GBF1: variants seen among roughly 807,000 people sequenced by gnomAD.
The protein encoded by GBF1 is Golgi-specific brefeldin A-resistance guanine nucleotide exchange factor 1.
Under a neutral mutation model 210.5 loss-of-function variants are expected in GBF1, and 114 were observed. The ratio of observed to expected loss-of-function variants is 0.54; its 90% confidence interval spans 0.47 to 0.63. The LOEUF is 0.63. Ranked by LOEUF, GBF1 falls within the 30% of genes least tolerant of loss-of-function variation. The pLI is 0.00. For missense variants in GBF1, 1,851 were observed against 2,357.7 expected (o/e 0.79, Z 4.45); for synonymous variants, 850 against 889.2 (o/e 0.96, Z 0.78).
chr10:102,289,743 T>A (rs1033957717), intron 3 of GBF1, among the ~76,000 whole-genome samples: 2 of 152,188 alleles, frequency 1.3e-5, no homozygotes, highest in Non-Finnish European at 2.9e-5. Context: ...AAAATTGTGT[T>A]TAACTGATTC....
intron 3 of GBF1, among the ~76,000 whole-genome samples, chr10:102,285,807 CCTT>C (rs1307016353): frequency 1.3e-5 from 2 of 151,752 alleles, no homozygotes; most frequent in Non-Finnish European, 2.9e-5. Context: ...TTGTAGCTTT[CCTT>C]CTTTTTTTTT....
chr10:102,280,255 G>A (rs533925336), intron 3 of GBF1, among the ~76,000 whole-genome samples: 1 of 152,254 alleles, frequency 6.6e-6, no homozygotes, highest in Admixed American at 6.5e-5. Flanking sequence ...GAGAAGGACA[G>A]AGAATACAGA....
chr10:102,286,317 T>C (rs547583109), intron 3 of GBF1, among the ~76,000 whole-genome samples: 1 of 152,120 alleles, frequency 6.6e-6, no homozygotes, highest in South Asian at 2.1e-4. Flanking sequence ...TCAAAGCTTA[T>C]CAGGATGACT....
intron 3 of GBF1, among the ~76,000 whole-genome samples, chr10:102,288,405 G>C (rs901122010): frequency 6.6e-6 from 1 of 152,142 alleles, no homozygotes; most frequent in African/African-American, 2.4e-5. Flanking sequence ...CCTAATGCTC[G>C]GGAGTGATTT....
Position 102,345,794 on chromosome 10 carries a change from T to C in GBF1, c.295+1612T>C, listed in dbSNP as rs79386852. ...AGTTTCAGTTTACAATTCATTGGCA[T>C]TAATTACACTCACAATGTTGTGCAG... On this transcript the variant is annotated intron_variant, in intron 4 of 39. Coordinates refer to ENST00000369983, the MANE Select transcript of GBF1 (RefSeq NM_001377137.1). Among the ~76,000 whole-genome samples, 1,359 of 152,230 alleles carry C rather than the reference T, an allele frequency of 8.9e-3. 28 individuals are homozygous for C. The highest frequency in any genetic ancestry group is 0.074 in the East Asian group (383 of 5,182).
chr10:102,233,039 G>A, the GBF1 span, among the ~76,000 whole-genome samples: 2 of 152,276 alleles, frequency 1.3e-5, no homozygotes, highest in South Asian at 2.1e-4. Context: ...TAAGCAGTGG[G>A]ATTGAGATCT....
At chr10:102,231,145 C>T in the GBF1 span, 1 of 1,471,162 alleles carries the variant, frequency 6.8e-7, no homozygotes, top group Non-Finnish European at 8.9e-7. Flanking sequence ...GGGCCGGGTC[C>T]CAGCGGCTGA....
intron 6 of GBF1, 34 bp from the exon 7 acceptor site, chr10:102,352,424 A>G: frequency 1.4e-6 from 2 of 1,452,766 alleles, no homozygotes; most frequent in Non-Finnish European, 9.7e-7. Context: ...ACAGCAAGTA[A>G]TGACACCTGT....
In GBF1 at chr10:102,344,064, T is replaced by G; in HGVS notation, c.177T>G (p.Ile59Met). The G allele has an allele frequency of 6.2e-7, 1 of 1,612,774 alleles. No homozygotes were observed. Among genetic ancestry groups the G allele is most frequent in the Non-Finnish European group, 8.5e-7 (1 of 1,178,760 alleles). ...ATTTTCTTGCAGAACTCTCAGAAAT[T>G]GAGCCCAATGTATTCCTTCGACCTT... ...VLNSITELSE[I>M]EPNVFLRPFL... is the part of the protein sequence containing the mutation. The change falls in exon 4 of 40, where the codon ATT (isoleucine) becomes ATG (methionine). Residue 59 changes from isoleucine to methionine, a missense_variant. Ile to Met is a conservative substitution (Grantham distance 10). Around this residue, in one of 3 missense-constraint regions of GBF1, gnomAD observed 804 missense variants for 958.6 expected, o/e 0.84. Transcript: ENST00000369983.
chr10:102,379,832 T>C (rs2060729052), intron 35 of GBF1, 21 bp from the exon 36 acceptor site: 4 of 1,575,598 alleles, frequency 2.5e-6, no homozygotes, highest in African/African-American at 1.4e-5. Context: ...TAGGGAGACA[T>C]TGCACATTTA....
At chr10:102,313,080 T>C (rs531159434) in intron 3 of GBF1, among the ~76,000 whole-genome samples, 2 of 152,146 alleles carry the variant, frequency 1.3e-5, no homozygotes, top group Non-Finnish European at 2.9e-5. Flanking sequence ...AAAGTAGTTC[T>C]GAATGGGAAC....
At chr10:102,321,150 A>G (rs2056351108) in intron 3 of GBF1, among the ~76,000 whole-genome samples, 2 of 152,156 alleles carry the variant, frequency 1.3e-5, no homozygotes, top group South Asian at 2.1e-4. Flanking sequence ...AACACTTACA[A>G]TTAGTGTTAA....
chr10:102,230,668 G>A, the GBF1 span: 1 of 1,592,154 alleles, frequency 6.3e-7, no homozygotes, highest in Non-Finnish European at 8.5e-7. Context: ...GACGTAGGGG[G>A]AAGAGGCGGC....
At chr10:102,376,140 G>C in intron 30 of GBF1, 132 bp from the exon 31 acceptor site, 1 of 679,004 alleles carries the variant, frequency 1.5e-6, no homozygotes, top group Non-Finnish European at 2.5e-6. Flanking sequence ...TGGCCCTCTG[G>C]TGACAGAAAT....
chr10:102,258,250 G>A (rs2072692623), intron 1 of GBF1, among the ~76,000 whole-genome samples: 3 of 149,304 alleles, frequency 2.0e-5, no homozygotes, highest in African/African-American at 7.4e-5. Context: ...TGCCTCCCAG[G>A]TCCAAGCAAT....
intron 29 of GBF1, among the ~76,000 whole-genome samples, chr10:102,372,624 A>G (rs929757119): frequency 3.9e-5 from 6 of 152,250 alleles, no homozygotes; most frequent in Non-Finnish European, 5.9e-5. Context: ...CTCAACACAA[A>G]TATGTTCAGT....
intron 1 of GBF1, among the ~76,000 whole-genome samples, chr10:102,258,504 G>A (rs1276543042): frequency 1.4e-5 from 2 of 147,096 alleles, no homozygotes; most frequent in Non-Finnish European, 3.0e-5. Flanking sequence ...AGGTGCAGTG[G>A]CTCACGCCTG....
Position 102,358,524 on chromosome 10 carries a change from A to C in GBF1, c.806A>C (p.Asp269Ala). ...TTGGCAGGTGGCATGCCCTTCATTGATGTGCCCACTCCCATCTCCTCTGCA... is the reference window on the plus strand; with the variant it reads ...TTGGCAGGTGGCATGCCCTTCATTGCTGTGCCCACTCCCATCTCCTCTGCA... ...SNLTGGMPFI[D>A]VPTPISSASS... The change falls in exon 10 of 40, where the codon GAT becomes GCT. Residue 269 changes from aspartate to alanine, a missense_variant. Asp to Ala is a moderately radical substitution (Grantham distance 126). Coordinates refer to ENST00000369983, the MANE Select transcript of GBF1 (RefSeq NM_001377137.1). 1 of 1,613,326 alleles carries C rather than the reference A, an allele frequency of 6.2e-7. No individual in the cohort carries two copies. The highest frequency in any genetic ancestry group is 8.5e-7 in the Non-Finnish European group (1 of 1,179,284).
chr10:102,239,230 C>T, the GBF1 span, among the ~76,000 whole-genome samples: 2 of 152,338 alleles, frequency 1.3e-5, no homozygotes, highest in East Asian at 1.9e-4. Flanking sequence ...ACCAGGCATG[C>T]GTTCAGTTAC....
Sources: allele counts gnomAD v4.1 joint callset (sites outside exome capture counted in the v4.1 genomes callset), GRCh38; gene constraint gnomAD v4.1.1; regional missense constraint gnomAD v4.1.1; transcripts MANE v1.5; gene names NCBI Gene and HGNC (gene_info 2026-07-23, HGNC 2026-07-21).